Variants in NYAP2 observed in about 807,000 individuals in gnomAD.
NYAP2 encodes neuronal tyrosine-phosphorylated phosphoinositide-3-kinase adaptor 2.
NYAP2 carries 23 observed loss-of-function variants against 50.4 expected under a neutral mutation model. That is an observed-to-expected ratio of 0.46 (90% confidence interval 0.33 to 0.65). The LOEUF (loss-of-function observed/expected upper bound fraction) is 0.65. NYAP2 is among the 30% of genes least tolerant of loss of function. The pLI, the probability that NYAP2 is intolerant of heterozygous loss-of-function variation, is 0.02. For synonymous variants in NYAP2, 394 were observed against 365.2 expected (o/e 1.08, Z -0.90); for missense variants, 885 against 861.0 (o/e 1.03, Z -0.35).
chr2:225,643,538 C>T (rs1693570349), intron 6 of NYAP2, among the ~76,000 whole-genome samples: 1 of 151,724 alleles, frequency 6.6e-6, no homozygotes, highest in Admixed American at 6.6e-5. Flanking sequence ...TGGTGCGCTG[C>T]ACCCACTAAC....
At chr2:225,450,803 A>T (rs1210629773) in intron 3 of NYAP2, among the ~76,000 whole-genome samples, 1 of 152,026 alleles carries the variant, frequency 6.6e-6, no homozygotes, top group Non-Finnish European at 1.5e-5. Flanking sequence ...AGCATCTAAC[A>T]CCTCCAAGGC....
chr2:225,622,682 C>G (rs1364520693), intron 5 of NYAP2, among the ~76,000 whole-genome samples: 1 of 151,348 alleles, frequency 6.6e-6, no homozygotes, highest in African/African-American at 2.4e-5. Flanking sequence ...CGGGTTCAAG[C>G]GATTCTTATG....
chr2:225,478,625 T>C (rs577519374), intron 3 of NYAP2, among the ~76,000 whole-genome samples: 113 of 152,288 alleles, frequency 7.4e-4, no homozygotes, highest in African/African-American at 2.6e-3. Context: ...TCATATTGTT[T>C]TTATTCTTGG....
chr2:225,651,298 A>T, intron 6 of NYAP2, 134 bp from the exon 7 acceptor site: 1 of 1,181,802 alleles, frequency 8.5e-7, no homozygotes, highest in Non-Finnish European at 1.2e-6. Context: ...ATCACCTGCT[A>T]CTTATTAGCA....
chr2:225,670,951 T>C, the NYAP2 span, among the ~76,000 whole-genome samples: 3 of 152,144 alleles, frequency 2.0e-5, no homozygotes, highest in Non-Finnish European at 2.9e-5. Context: ...AAATACTTCA[T>C]TGCTAAAAAT....
chr2:225,622,498 TTTC>T (rs1262057978), intron 5 of NYAP2, among the ~76,000 whole-genome samples: 5 of 23,856 alleles, frequency 2.1e-4, no homozygotes, highest in Non-Finnish European at 5.4e-4. Flanking sequence ...ACCAATTTTA[TTTC>T]TTTTCTTTCT....
At chr2:225,689,745 T>C in the NYAP2 span, among the ~76,000 whole-genome samples, 38,666 of 151,766 alleles carry the variant, frequency 0.25, 5,118 homozygotes, top group African/African-American at 0.34. Context: ...AAATACATGA[T>C]CAGTAGATTA....
At chr2:225,637,582 G>T (rs552819746) in intron 6 of NYAP2, among the ~76,000 whole-genome samples, 9 of 152,262 alleles carry the variant, frequency 5.9e-5, no homozygotes, top group Middle Eastern at 3.4e-3. Context: ...TCACTCTGCA[G>T]TTTAACTCTC....
chr2:225,631,732 G>T (rs1553558731), intron 6 of NYAP2, among the ~76,000 whole-genome samples: 1 of 152,166 alleles, frequency 6.6e-6, no homozygotes, highest in Non-Finnish European at 1.5e-5. Flanking sequence ...TGCCAGTTCT[G>T]AACTAGAAAA....
chr2:225,519,568 A>G (rs1249154277), intron 4 of NYAP2, among the ~76,000 whole-genome samples: 5 of 151,956 alleles, frequency 3.3e-5, no homozygotes, highest in Admixed American at 6.6e-5. Flanking sequence ...GATGATTTCC[A>G]GCTTCATCCA....
At chr2:225,429,197 T>A (rs1293121966) in intron 3 of NYAP2, among the ~76,000 whole-genome samples, 2 of 152,126 alleles carry the variant, frequency 1.3e-5, no homozygotes, top group African/African-American at 4.8e-5. Context: ...AGGGGGGATT[T>A]AGGGACAAAT....
chr2:225,689,884 G>A, the NYAP2 span, among the ~76,000 whole-genome samples: 4 of 152,034 alleles, frequency 2.6e-5, no homozygotes, highest in South Asian at 8.3e-4. Context: ...ATCCCTAATT[G>A]TCATGTTATT....
intron 3 of NYAP2, among the ~76,000 whole-genome samples, chr2:225,450,650 G>T (rs1689634824): frequency 2.0e-5 from 3 of 152,240 alleles, no homozygotes; most frequent in Admixed American, 2.0e-4. Flanking sequence ...TTTATGACCA[G>T]TGAATTTGTG....
At chr2:225,595,656 T>A (rs1045140236) in intron 5 of NYAP2, among the ~76,000 whole-genome samples, 3 of 152,214 alleles carry the variant, frequency 2.0e-5, no homozygotes, top group Non-Finnish European at 4.4e-5. Context: ...TAATTGATAA[T>A]CTCACTTGTA....
intron 3 of NYAP2, among the ~76,000 whole-genome samples, chr2:225,508,500 G>C (rs1559199142): frequency 1.3e-5 from 2 of 152,200 alleles, no homozygotes; most frequent in Non-Finnish European, 2.9e-5. Context: ...CACCATGACA[G>C]AGTTAGAAGT....
intron 4 of NYAP2, among the ~76,000 whole-genome samples, chr2:225,560,744 A>G (rs1157803410): frequency 6.6e-6 from 1 of 152,090 alleles, no homozygotes; most frequent in Admixed American, 6.6e-5. Context: ...TGGCTCAGCA[A>G]AACTATAGGG....
chr2:225,627,587 T>C (rs1180342617), intron 6 of NYAP2, among the ~76,000 whole-genome samples: 1 of 152,186 alleles, frequency 6.6e-6, no homozygotes, highest in Non-Finnish European at 1.5e-5. Flanking sequence ...AAGTAGATAT[T>C]AGGAGGCATC....
chr2:225,526,923 G>A (rs1393758781), intron 4 of NYAP2, among the ~76,000 whole-genome samples: 3 of 152,276 alleles, frequency 2.0e-5, no homozygotes, highest in Admixed American at 1.3e-4. Flanking sequence ...GCTTCCTAGT[G>A]TAAGACCCAT....
chr2:225,526,437 C>G (rs1419950914), intron 4 of NYAP2, among the ~76,000 whole-genome samples: 1 of 152,078 alleles, frequency 6.6e-6, no homozygotes, highest in African/African-American at 2.4e-5. Flanking sequence ...CCCAAATGTC[C>G]CTGGCCAGAC....
Sources: gnomAD v4.1 joint callset for allele counts (sites outside exome capture counted in the v4.1 genomes callset) on GRCh38, gnomAD v4.1.1 for gene constraint, MANE v1.5 for transcripts, NCBI Gene and HGNC (gene_info 2026-07-23, HGNC 2026-07-21) for gene names.